The following CHLSN variants were observed in gnomAD, a reference collection of about 807,000 sequenced individuals.
CHLSN encodes the protein protein cholesin.
the CHLSN span, among the ~76,000 whole-genome samples, chr7:995,966 C>A: frequency 1.3e-5 from 2 of 152,208 alleles, no homozygotes; most frequent in African/African-American, 4.8e-5. Context: ...GGGACACGGT[C>A]CTTAGGGTCT....
chr7:1,101,488 TGAGCGGCTCCTTACACA>T, the CHLSN span, among the ~76,000 whole-genome samples: 9 of 152,176 alleles, frequency 5.9e-5, no homozygotes, highest in African/African-American at 2.2e-4. Flanking sequence ...CATGACACAG[TGAGCGGCTCCTTACACA>T]GAGCCCCTTC....
the CHLSN span, among the ~76,000 whole-genome samples, chr7:1,070,397 G>GGTGA: frequency 1.6e-5 from 2 of 122,206 alleles, no homozygotes; most frequent in East Asian, 4.1e-4. Context: ...CCGTCCGGGA[G>GGTGA]GTGAGGGGCG....
the CHLSN span, among the ~76,000 whole-genome samples, chr7:1,049,011 CAGT>C: frequency 1.1e-4 from 17 of 152,240 alleles, no homozygotes; most frequent in African/African-American, 3.6e-4. Context: ...AAAGCCTCTG[CAGT>C]CTGAGCGTGC....
At chr7:1,085,087 C>T in the CHLSN span, among the ~76,000 whole-genome samples, 32 of 152,340 alleles carry the variant, frequency 2.1e-4, no homozygotes, top group East Asian at 3.9e-4. Flanking sequence ...AGGTTTCCTA[C>T]GTGGCATTCA....
chr7:983,498 C>A, the CHLSN span: 2 of 1,115,960 alleles, frequency 1.8e-6, no homozygotes, highest in Admixed American at 3.6e-5. Context: ...TGGTGCCGGG[C>A]CCAGCGGGGC....
At chr7:1,127,425 G>C in the CHLSN span, 1 of 1,574,026 alleles carries the variant, frequency 6.4e-7, no homozygotes, top group South Asian at 1.2e-5. Flanking sequence ...ACAAGGAAAT[G>C]AAAGGCTTAA....
the CHLSN span, among the ~76,000 whole-genome samples, chr7:1,013,099 C>T: frequency 2.6e-5 from 4 of 152,126 alleles, no homozygotes; most frequent in Admixed American, 1.3e-4. Context: ...GTGGTAATGC[C>T]GGGACCTGCT....
the CHLSN span, among the ~76,000 whole-genome samples, chr7:1,063,920 C>T: frequency 2.6e-4 from 40 of 152,294 alleles, no homozygotes; most frequent in Non-Finnish European, 4.9e-4. Flanking sequence ...GAAGTCAGAG[C>T]TCCGCAAGTC....
the CHLSN span, among the ~76,000 whole-genome samples, chr7:1,007,959 C>A: frequency 6.6e-6 from 1 of 152,280 alleles, no homozygotes; most frequent in South Asian, 2.1e-4. Flanking sequence ...ATGGTCCCCC[C>A]TCTCCTGCCC....
the CHLSN span, among the ~76,000 whole-genome samples, chr7:1,071,872 G>C: frequency 6.6e-6 from 1 of 152,226 alleles, no homozygotes. Context: ...GGACACCTTA[G>C]AAGGAGGGCT....
At chr7:1,126,649 C>T in the CHLSN span, among the ~76,000 whole-genome samples, 1 of 152,050 alleles carries the variant, frequency 6.6e-6, no homozygotes, top group Non-Finnish European at 1.5e-5. Flanking sequence ...CCACTGCACT[C>T]CAGCCTGGGC....
At chr7:1,122,287 A>AG in the CHLSN span, among the ~76,000 whole-genome samples, 1 of 152,204 alleles carries the variant, frequency 6.6e-6, no homozygotes, top group Non-Finnish European at 1.5e-5. Context: ...AGAGGAAGCC[A>AG]GGGGGGTTCT....
At chr7:998,623 T>A in the CHLSN span, among the ~76,000 whole-genome samples, 1 of 152,194 alleles carries the variant, frequency 6.6e-6, no homozygotes, top group Non-Finnish European at 1.5e-5. Flanking sequence ...TTTTGTATTT[T>A]TAGTAGAGAC....
At chr7:1,068,757 G>A in the CHLSN span, among the ~76,000 whole-genome samples, 1 of 152,152 alleles carries the variant, frequency 6.6e-6, no homozygotes, top group Non-Finnish European at 1.5e-5. Context: ...AGTCTGCCCA[G>A]CTACTTAGGT....
the CHLSN span, among the ~76,000 whole-genome samples, chr7:1,117,773 G>A: frequency 5.4e-4 from 82 of 150,776 alleles, no homozygotes; most frequent in Non-Finnish European, 9.0e-4. Flanking sequence ...TTCCATCACC[G>A]ACGCCCACGC....
chr7:1,002,947 G>T, the CHLSN span, among the ~76,000 whole-genome samples: 8 of 106,466 alleles, frequency 7.5e-5, no homozygotes, highest in African/African-American at 2.8e-4. Flanking sequence ...CTGTGGGTGA[G>T]TGGAGTCCTG....
chr7:984,184 C>A, the CHLSN span, among the ~76,000 whole-genome samples: 13 of 152,228 alleles, frequency 8.5e-5, no homozygotes, highest in African/African-American at 3.1e-4. Flanking sequence ...GAAAATCCCA[C>A]AACAGCCATG....
chr7:1,119,602 G>A, the CHLSN span, among the ~76,000 whole-genome samples: 1 of 152,286 alleles, frequency 6.6e-6, no homozygotes, highest in East Asian at 1.9e-4. Flanking sequence ...TTGGCTGGGC[G>A]CAGTGGCTCA....
At chr7:1,096,021 A>G in the CHLSN span, among the ~76,000 whole-genome samples, 2 of 152,200 alleles carry the variant, frequency 1.3e-5, no homozygotes, top group Non-Finnish European at 2.9e-5. The surrounding 1 kb of genome is among the most constrained non-coding windows in gnomAD (Gnocchi z 4.6). Context: ...CCAGGCATCA[A>G]TCAGGGACGG....
Sources: allele counts gnomAD v4.1 joint callset (sites outside exome capture counted in the v4.1 genomes callset), GRCh38; gene constraint gnomAD v4.1.1; non-coding constraint Gnocchi (gnomAD v3.1); transcripts MANE v1.5; gene names NCBI Gene and HGNC (gene_info 2026-07-23, HGNC 2026-07-21).